The following DDC variants were observed in gnomAD, a reference collection of about 807,000 sequenced individuals.
DDC encodes aromatic-L-amino-acid decarboxylase.
DDC carries 43 observed loss-of-function variants against 60.0 expected under a neutral mutation model. That is an observed-to-expected ratio of 0.72 (90% CI 0.56 to 0.92). The LOEUF (loss-of-function observed/expected upper bound fraction) is 0.92, where lower values mean the gene tolerates loss of function less well. DDC is among the 40% of genes least tolerant of loss of function. The pLI, the probability that DDC is intolerant of heterozygous loss-of-function variation, is 0.00. For synonymous variants in DDC, 232 were observed against 234.6 expected, an observed-to-expected ratio of 0.99 and a Z score of 0.10; for missense variants, 573 against 620.2, an observed-to-expected ratio of 0.92 and a Z score of 0.81.
intron 12 of DDC, 76 bp downstream of exon 12, chr7:50,469,997 A>G: frequency 9.7e-7 from 1 of 1,030,782 alleles, no homozygotes; most frequent in Non-Finnish European, 1.5e-6. Flanking sequence ...AAAAAAGAAA[A>G]AAAATTTGAA....
chr7:50,473,019 C>T (rs138408152), intron 11 of DDC, among the ~76,000 whole-genome samples: 1 of 152,188 alleles, frequency 6.6e-6, no homozygotes, highest in Non-Finnish European at 1.5e-5. Context: ...AGCAAATGCT[C>T]TGGGGACATT....
chr7:50,517,423 C>T (rs117463803), intron 6 of DDC, among the ~76,000 whole-genome samples: 13,537 of 152,128 alleles, frequency 0.089, 954 homozygotes, highest in South Asian at 0.14. Flanking sequence ...AAGGGACATA[C>T]CTTAATATAA....
chr7:50,472,987 C>A (rs73117270), intron 11 of DDC, among the ~76,000 whole-genome samples: 13,702 of 152,214 alleles, frequency 0.09, 908 homozygotes, highest in South Asian at 0.12. Context: ...TATTCCTTCC[C>A]ATTCCCTGCT....
At chr7:50,465,496 C>T (rs543828923) in intron 13 of DDC, among the ~76,000 whole-genome samples, 14 of 152,190 alleles carry the variant, frequency 9.2e-5, no homozygotes, top group East Asian at 1.9e-4. Context: ...CTCAGCCTCC[C>T]GAGTAGCTGG....
intron 8 of DDC, 134 bp from the exon 9 acceptor site, chr7:50,495,551 C>G: frequency 2.7e-6 from 2 of 734,790 alleles, no homozygotes. Context: ...TAGGGTTGCC[C>G]AGGGGAGTAG....
At chr7:50,513,483 A>AACTCGGGG (rs2043641279) in intron 6 of DDC, among the ~76,000 whole-genome samples, 1 of 152,192 alleles carries the variant, frequency 6.6e-6, no homozygotes, top group African/African-American at 2.4e-5. Context: ...TCCTGGCCAG[A>AACTCGGGG]ACTCGGGGAC....
At chr7:50,480,409 T>C (rs1055850373) in intron 9 of DDC, among the ~76,000 whole-genome samples, 1 of 152,204 alleles carries the variant, frequency 6.6e-6, no homozygotes, top group Non-Finnish European at 1.5e-5. Flanking sequence ...TTATAACCTG[T>C]AAACCTAAGT....
At chr7:50,471,439 G>A (rs2042529328) in intron 11 of DDC, among the ~76,000 whole-genome samples, 1 of 152,168 alleles carries the variant, frequency 6.6e-6, no homozygotes, top group South Asian at 2.1e-4. Flanking sequence ...AACTGCTTCT[G>A]AACACAAGAG....
intron 1 of DDC, among the ~76,000 whole-genome samples, chr7:50,553,967 C>G (rs915172465): frequency 6.6e-6 from 1 of 152,106 alleles, no homozygotes; most frequent in Admixed American, 6.5e-5. Flanking sequence ...TTTCTTTAAC[C>G]CTTAAGACTC....
chr7:50,521,398 A>G (rs538788048), intron 6 of DDC, among the ~76,000 whole-genome samples: 2 of 152,338 alleles, frequency 1.3e-5, no homozygotes, highest in African/African-American at 4.8e-5. Flanking sequence ...CTTACAGAAA[A>G]TAGAAGCAAA....
chr7:50,531,941 T>C (rs1361410878), intron 4 of DDC: 1 of 152,176 alleles, frequency 6.6e-6, no homozygotes, highest in Non-Finnish European at 1.5e-5. Context: ...TGAGCAGAAA[T>C]GTCCTTTCAT....
intron 9 of DDC, among the ~76,000 whole-genome samples, chr7:50,489,446 A>G (rs929843130): frequency 6.6e-6 from 1 of 152,236 alleles, no homozygotes; most frequent in African/African-American, 2.4e-5. Flanking sequence ...AGGTTATTAT[A>G]TCCATATAAC....
At chr7:50,539,677 TC>T (rs2044547860) in intron 3 of DDC, among the ~76,000 whole-genome samples, 1 of 152,170 alleles carries the variant, frequency 6.6e-6, no homozygotes, top group Non-Finnish European at 1.5e-5. Flanking sequence ...ACCAAGTGCT[TC>T]CAACACAGCC....
chr7:50,503,213 C>T (rs2043301427), intron 7 of DDC, among the ~76,000 whole-genome samples: 1 of 152,268 alleles, frequency 6.6e-6, no homozygotes, highest in Non-Finnish European at 1.5e-5. Context: ...GCTCCACTCA[C>T]AGCCGAGCGG....
intron 9 of DDC, among the ~76,000 whole-genome samples, chr7:50,487,961 G>C (rs1445724462): frequency 1.3e-5 from 2 of 152,030 alleles, no homozygotes; most frequent in African/African-American, 4.8e-5. Context: ...GGTAAGTAAG[G>C]CATTTAATAT....
At position 50,499,231 on chromosome 7, in the gene DDC, C is replaced by T. The variant is rs1303397159; in HGVS notation, c.793G>A (p.Asp265Asn). 4.3e-6 allele frequency: 7 copies of T among 1,612,946 alleles called. No homozygotes were observed. Among genetic ancestry groups the T allele is most frequent in the Admixed American group, 1.7e-5 (1 of 59,986 alleles). ...GCTGCATCAACGTGCAGCCATATGT[C>T]TTCCTTGTTGCCTAAAGTTCAGAAT... ...LEVGPICNKE[D>N]IWLHVDAAYA... The change falls in exon 8 of 15, where the codon GAC becomes AAC. Residue 265 changes from aspartate (D) to asparagine (N), a missense_variant. Coordinates refer to ENST00000444124, the MANE Select transcript of DDC (RefSeq NM_001082971.2).
intron 4 of DDC, among the ~76,000 whole-genome samples, chr7:50,534,097 T>C (rs1260788139): frequency 6.6e-6 from 1 of 152,242 alleles, no homozygotes; most frequent in Middle Eastern, 3.2e-3. Flanking sequence ...TCAGGGAATG[T>C]CACGTGCAAG....
intron 12 of DDC, among the ~76,000 whole-genome samples, chr7:50,468,476 T>A (rs2042451104): frequency 1.3e-5 from 2 of 152,172 alleles, no homozygotes; most frequent in South Asian, 4.1e-4. Flanking sequence ...TAGAGGGGGA[T>A]TTCCTACCCA....
intron 1 of DDC, among the ~76,000 whole-genome samples, chr7:50,564,611 A>T (rs1467525107): frequency 6.6e-6 from 1 of 152,248 alleles, no homozygotes; most frequent in African/African-American, 2.4e-5. Context: ...ACTTAAAACC[A>T]GGAGAACTTC....
Sources: allele counts gnomAD v4.1 joint callset (sites outside exome capture counted in the v4.1 genomes callset), GRCh38; gene constraint gnomAD v4.1.1; transcripts MANE v1.5; gene names NCBI Gene and HGNC (gene_info 2026-07-23, HGNC 2026-07-21).